Variants in DENND1B observed in about 807,000 individuals in gnomAD.
DENND1B encodes DENN domain-containing protein 1B.
In DENND1B, 59 loss-of-function variants were observed where a neutral mutation model predicts 90.1. That is an observed-to-expected ratio of 0.65 (90% confidence interval 0.53 to 0.81). The LOEUF (loss-of-function observed/expected upper bound fraction) is 0.81, where lower values mean the gene tolerates loss of function less well. DENND1B is among the 40% of genes least tolerant of loss of function. The probability of loss-of-function intolerance (pLI) is 0.00; values close to 1 mark genes in which losing one functional copy is unlikely to be tolerated. For synonymous variants in DENND1B, 337 were observed against 324.6 expected (o/e 1.04, Z -0.41); for missense variants, 862 against 912.6 (o/e 0.94, Z 0.71).
At chr1:197,553,643 C>T (rs1671444028) in intron 15 of DENND1B, among the ~76,000 whole-genome samples, 1 of 152,140 alleles carries the variant, frequency 6.6e-6, no homozygotes, top group Non-Finnish European at 1.5e-5. Context: ...TAACTTCATT[C>T]AGTAAAATAA....
intron 7 of DENND1B, among the ~76,000 whole-genome samples, chr1:197,650,783 G>A (rs930447424): frequency 7.2e-5 from 11 of 152,138 alleles, no homozygotes; most frequent in Non-Finnish European, 1.3e-4. Flanking sequence ...ATCAAATATC[G>A]TATGTTCTCA....
At position 197,582,408 on chromosome 1, in the gene DENND1B, C is replaced by T. The variant is rs769926630; in HGVS notation, c.1149+744G>A. Among the ~76,000 whole-genome samples, 3 of 152,132 alleles carry T rather than the reference C, an allele frequency of 2.0e-5. No individual in the cohort carries two copies. The South Asian group carries it at 6.2e-4, about 31-fold the overall frequency. ...TCCTGGCCCTGAGCACAGTTTATGA[C>T]ACACAGTAGGTCTTCATTAAATGTT... is the stretch of plus-strand genomic sequence containing the variant. On this transcript the variant is annotated intron_variant, in intron 15 of 22. Transcript: ENST00000620048.
At chr1:197,700,718 T>C (rs1658938746) in intron 3 of DENND1B, among the ~76,000 whole-genome samples, 1 of 152,138 alleles carries the variant, frequency 6.6e-6, no homozygotes, top group Non-Finnish European at 1.5e-5. Flanking sequence ...ATATCCAGAA[T>C]TTACAAGGAA....
intron 12 of DENND1B, among the ~76,000 whole-genome samples, chr1:197,609,665 A>G (rs7548454): frequency 0.53 from 79,171 of 149,682 alleles, 21,838 homozygotes; most frequent in East Asian, 0.66. Context: ...AAGTTGTTAC[A>G]TTAGGTTGGT....
chr1:197,526,842 A>T (rs922634902), intron 20 of DENND1B, among the ~76,000 whole-genome samples: 4 of 152,172 alleles, frequency 2.6e-5, no homozygotes, highest in African/African-American at 4.8e-5. Flanking sequence ...TAATCTTATG[A>T]CAATATAAAG....
chr1:197,510,620 G>A lies in DENND1B; in HGVS notation c.2168C>T (p.Ser723Leu). The change falls in exon 23 of 23, where the codon TCA becomes TTA. Residue 723 changes from serine (S) to leucine (L), a missense_variant. By Grantham distance (145) the Ser-to-Leu change is moderately radical. Transcript: ENST00000620048. ...DLLIPGLGRH[S>L]STFVPWEKEG... ...TTTCTCCCAAGGAACAAAAGTCGAT[G>A]AATGCCGCCCAAGACCGGGTATAAG... is the stretch of plus-strand genomic sequence containing the variant. 2 of 1,612,824 alleles carry A rather than the reference G, an allele frequency of 1.2e-6. No individual in the cohort carries two copies. Among genetic ancestry groups the A allele is most frequent in the Non-Finnish European group, 8.5e-7 (1 of 1,179,236 alleles).
intron 2 of DENND1B, among the ~76,000 whole-genome samples, chr1:197,726,567 C>A (rs972323622): frequency 1.3e-5 from 2 of 152,122 alleles, no homozygotes; most frequent in East Asian, 3.9e-4. Context: ...AAAACAAGGT[C>A]TAGACAAATG....
At chr1:197,679,554 G>A (rs1257134643) in intron 3 of DENND1B, among the ~76,000 whole-genome samples, 1 of 151,042 alleles carries the variant, frequency 6.6e-6, no homozygotes, top group East Asian at 1.9e-4. Flanking sequence ...TATCCATGGG[G>A]ATCCCAAACC....
At chr1:197,569,069 C>A (rs933143064) in intron 15 of DENND1B, among the ~76,000 whole-genome samples, 5 of 151,902 alleles carry the variant, frequency 3.3e-5, no homozygotes, top group South Asian at 2.1e-4. Context: ...ATAAAGAACT[C>A]AAACAAATTA....
upstream of DENND1B, among the ~76,000 whole-genome samples, chr1:197,778,981 C>G (rs1657365324): frequency 6.6e-6 from 1 of 152,040 alleles, no homozygotes; most frequent in South Asian, 2.1e-4. Context: ...CTCTAAAACC[C>G]CCTCAAAACT....
At chr1:197,604,000 C>T (rs959345191) in intron 13 of DENND1B, among the ~76,000 whole-genome samples, 5 of 150,926 alleles carry the variant, frequency 3.3e-5, no homozygotes, top group Non-Finnish European at 7.4e-5. Context: ...CTAACATTTA[C>T]TTTTTTTTAT....
intron 15 of DENND1B, among the ~76,000 whole-genome samples, chr1:197,572,211 C>T (rs1234456202): frequency 6.6e-6 from 1 of 152,098 alleles, no homozygotes; most frequent in African/African-American, 2.4e-5. Flanking sequence ...ACATTTCTGC[C>T]CAAATACTGC....
intron 15 of DENND1B, among the ~76,000 whole-genome samples, chr1:197,559,197 C>T (rs1385851099): frequency 6.6e-6 from 1 of 151,888 alleles, no homozygotes; most frequent in African/African-American, 2.4e-5. Context: ...GGTCTAGACA[C>T]ATGTTATATA....
chr1:197,543,897 T>C (rs1181017897), intron 18 of DENND1B, among the ~76,000 whole-genome samples: 10 of 152,182 alleles, frequency 6.6e-5, no homozygotes. Context: ...TATTAAAATA[T>C]ACTATTTTAT....
In DENND1B at chr1:197,514,376, T is replaced by C. The variant is rs1039267688; in HGVS notation, c.1516-1423A>G. Among the ~76,000 whole-genome samples the C allele has an allele frequency of 4.0e-5, 6 of 151,638 alleles. No homozygotes were observed. In the East Asian group the frequency reaches 9.7e-4, roughly 25 times the overall value. On this transcript the variant is annotated intron_variant, in intron 20 of 22. Coordinates refer to ENST00000620048, the MANE Select transcript of DENND1B (RefSeq NM_001195215.2). ...TCTAAAGGCAAGTCATGAGGGTCTT[T>C]TTTTTAAATTCCCATTATTAGTAGA...
Position 197,750,617 on chromosome 1 carries a change from T to C in DENND1B, c.82+22251A>G, listed in dbSNP as rs201994520. Among the ~76,000 whole-genome samples the C allele has an allele frequency of 2.6e-4, 32 of 125,382 alleles. No homozygotes were observed. In the South Asian group the frequency reaches 7.8e-3, roughly 31 times the overall value. The allele number at this position is 125,382 out of a possible 152,430, so 82.3% of individuals were successfully genotyped here. A position where few individuals can be genotyped will look rare whatever the true frequency, so the allele number is the denominator to read the frequency against. ...AGATAGATAGATAGATAGATAAAGA[T>C]ATAGACATAGTTTAGACATAAGACA... On this transcript the variant is annotated intron_variant, in intron 2 of 22. Transcript: ENST00000620048.
At chr1:197,579,793 C>T (rs1251714374) in intron 15 of DENND1B, among the ~76,000 whole-genome samples, 1 of 152,132 alleles carries the variant, frequency 6.6e-6, no homozygotes, top group Non-Finnish European at 1.5e-5. Context: ...TAGATTTGAT[C>T]TGCAATTACA....
rs188236929 is a variant in DENND1B, at chr1:197,643,592, G to A, written c.562-771C>T. Among the ~76,000 whole-genome samples, 8 of 152,236 alleles carry A rather than the reference G, an allele frequency of 5.3e-5. No homozygotes were observed. In the South Asian group the frequency reaches 1.0e-3, roughly 20 times the overall value. On this transcript the variant is annotated intron_variant, in intron 9 of 22. Transcript: ENST00000620048. ...TGCAGGCACAATCATCATCTGATAC[G>A]ACACAGCATGCACAACGTACCCAAA...
intron 20 of DENND1B, among the ~76,000 whole-genome samples, chr1:197,527,087 T>G (rs1669187257): frequency 6.6e-6 from 1 of 152,164 alleles, no homozygotes; most frequent in Non-Finnish European, 1.5e-5. Context: ...TTCTGTCACA[T>G]TAACAATATG....
Sources: gnomAD v4.1 joint callset for allele counts (sites outside exome capture counted in the v4.1 genomes callset) on GRCh38, gnomAD v4.1.1 for gene constraint, MANE v1.5 for transcripts, NCBI Gene and HGNC (gene_info 2026-07-23, HGNC 2026-07-21) for gene names.